Variants in EPHA6 observed in about 807,000 individuals in gnomAD.
EPHA6 encodes ephrin type-A receptor 6.
A neutral mutation model predicts 112.0 loss-of-function variants in EPHA6; 50 were observed. The ratio of observed to expected loss-of-function variants is 0.45; its 90% CI spans 0.36 to 0.56. EPHA6 has a LOEUF of 0.56. EPHA6 is among the 20% of genes least tolerant of loss of function. The pLI is 0.00. For missense variants in EPHA6, 1,280 were observed against 1,417.4 expected, an observed-to-expected ratio of 0.90 and a Z score of 1.56; for synonymous variants, 529 against 490.7, an observed-to-expected ratio of 1.08 and a Z score of -1.03.
chr3:97,673,303 A>C (rs2031034234), intron 14 of EPHA6, among the ~76,000 whole-genome samples: 1 of 152,226 alleles, frequency 6.6e-6, no homozygotes. Context: ...TAAAAAAGGA[A>C]GAAGCAGAGG....
chr3:97,696,694 A>G (rs1457276587), intron 14 of EPHA6, among the ~76,000 whole-genome samples: 2 of 152,182 alleles, frequency 1.3e-5, no homozygotes, highest in African/African-American at 4.8e-5. Context: ...AATAATTATA[A>G]TAACTAAATT....
At chr3:97,326,090 G>A (rs1339706234) in intron 5 of EPHA6, among the ~76,000 whole-genome samples, 4 of 151,828 alleles carry the variant, frequency 2.6e-5, no homozygotes, top group African/African-American at 9.7e-5. Flanking sequence ...ACTGATATGA[G>A]GTAATAGTGA....
Position 97,582,899 on chromosome 3 carries a change from C to G in EPHA6, c.2387-9713C>G, listed in dbSNP as rs539741482. Among the ~76,000 whole-genome samples the G allele has an allele frequency of 2.6e-5, 4 of 151,904 alleles. No homozygotes were observed. In the East Asian group the frequency reaches 7.7e-4, roughly 29 times the overall value. ...ATTGTATCTGTGAGTAAAACTAAAT[C>G]CAGAACATTCTCTTTTAAACTTTGT... is the stretch of plus-strand genomic sequence containing the variant. On this transcript the variant is annotated intron_variant, in intron 11 of 17. Transcript: ENST00000389672.
At chr3:97,044,126 G>A (rs80171113) in intron 3 of EPHA6, among the ~76,000 whole-genome samples, 7,796 of 152,154 alleles carry the variant, frequency 0.051, 648 homozygotes, top group African/African-American at 0.18. Context: ...TACCTGCTCA[G>A]GCTTTCTACA....
intron 3 of EPHA6, among the ~76,000 whole-genome samples, chr3:97,219,971 A>G (rs1437811008): frequency 6.6e-6 from 1 of 152,166 alleles, no homozygotes; most frequent in East Asian, 1.9e-4. Flanking sequence ...CTGCTTAGAA[A>G]TTTCTTCTGC....
At chr3:97,150,080 T>G (rs1013792482) in intron 3 of EPHA6, among the ~76,000 whole-genome samples, 1 of 151,990 alleles carries the variant, frequency 6.6e-6, no homozygotes, top group Non-Finnish European at 1.5e-5. Flanking sequence ...AGCTTTGGTG[T>G]AGATGCAATA....
intron 5 of EPHA6, among the ~76,000 whole-genome samples, chr3:97,312,991 A>G (rs543819409): frequency 3.3e-5 from 5 of 151,596 alleles, no homozygotes; most frequent in African/African-American, 1.2e-4. Context: ...TATGCTTAAT[A>G]ATAGATTACT....
At chr3:97,217,953 A>G (rs913066479) in intron 3 of EPHA6, among the ~76,000 whole-genome samples, 1 of 152,208 alleles carries the variant, frequency 6.6e-6, no homozygotes, top group East Asian at 1.9e-4. Flanking sequence ...AAAATCTAGA[A>G]TATCATATAC....
chr3:97,092,100 A>ATT (rs1559722629), intron 3 of EPHA6, among the ~76,000 whole-genome samples: 2,381 of 149,334 alleles, frequency 0.016, 59 homozygotes, highest in African/African-American at 0.057. Flanking sequence ...TTTTTTTTAA[A>ATT]AAAAAAAAGC....
chr3:97,025,277 G>A (rs1033494386), intron 3 of EPHA6, among the ~76,000 whole-genome samples: 1 of 152,010 alleles, frequency 6.6e-6, no homozygotes, highest in African/African-American at 2.4e-5. Context: ...AAACTATTAG[G>A]GAAGAGTGAG....
At chr3:96,953,635 A>G (rs2041641807) in intron 2 of EPHA6, among the ~76,000 whole-genome samples, 1 of 152,154 alleles carries the variant, frequency 6.6e-6, no homozygotes, top group African/African-American at 2.4e-5. Flanking sequence ...GACCCTTTTT[A>G]AAAGATAAAA....
chr3:97,705,241 C>T (rs557288622), intron 14 of EPHA6, among the ~76,000 whole-genome samples: 3 of 152,176 alleles, frequency 2.0e-5, no homozygotes, highest in African/African-American at 7.2e-5. Context: ...TCCTCTCTAC[C>T]TGGATTAGTC....
intron 5 of EPHA6, among the ~76,000 whole-genome samples, chr3:97,378,067 C>G (rs1198578985): frequency 2.0e-5 from 3 of 152,192 alleles, no homozygotes; most frequent in African/African-American, 4.8e-5. Flanking sequence ...AGCAGCCTCT[C>G]CCTTCACAGA....
intron 3 of EPHA6, among the ~76,000 whole-genome samples, chr3:97,041,957 C>T (rs994586161): frequency 1.3e-5 from 2 of 152,068 alleles, no homozygotes; most frequent in African/African-American, 4.8e-5. Context: ...GGTAGGGACA[C>T]AAATCCAAAC....
chr3:97,101,835 G>A (rs978692095), intron 3 of EPHA6, among the ~76,000 whole-genome samples: 2 of 151,982 alleles, frequency 1.3e-5, no homozygotes, highest in African/African-American at 4.8e-5. Flanking sequence ...TTGTTGGATT[G>A]TAGTTCTTTT....
At position 97,483,956 on chromosome 3, in the gene EPHA6, T is replaced by A. The variant is rs567719342; in HGVS notation, c.2097T>A (p.Thr699=). ...NGHLRFPGIK[T]YIDPDTYEDP... is the part of the protein sequence containing the mutation. The stretch of plus-strand genomic sequence containing the variant: ...CAGTGCGCTTCCCGGGAATTAAAAC[T>A]TACATTGATCCAGATACATATGAAG... The change falls in exon 10 of 18, where the codon ACT becomes ACA. Residue 699 remains threonine, a synonymous_variant. Transcript: ENST00000389672. 1.9e-5 allele frequency: 31 copies of A among 1,600,910 alleles called. 1 individual carries two copies. The South Asian group carries it at 1.9e-4, about 10-fold the overall frequency.
chr3:97,212,636 T>C (rs149464471), intron 3 of EPHA6, among the ~76,000 whole-genome samples: 4 of 152,338 alleles, frequency 2.6e-5, no homozygotes, highest in Non-Finnish European at 5.9e-5. Flanking sequence ...AATAATGCTG[T>C]AACCTTGACA....
At chr3:97,277,922 A>G (rs2080150510) in intron 5 of EPHA6, among the ~76,000 whole-genome samples, 1 of 152,214 alleles carries the variant, frequency 6.6e-6, no homozygotes, top group Non-Finnish European at 1.5e-5. Context: ...ATAAAAAGAA[A>G]GTAATTATGC....
intron 2 of EPHA6, among the ~76,000 whole-genome samples, chr3:96,884,411 C>G (rs2037502779): frequency 6.6e-6 from 1 of 152,086 alleles, no homozygotes; most frequent in African/African-American, 2.4e-5. Context: ...CATTTTATAG[C>G]TTTCCTTGCA....
Sources: allele counts gnomAD v4.1 joint callset (sites outside exome capture counted in the v4.1 genomes callset), GRCh38; gene constraint gnomAD v4.1.1; transcripts MANE v1.5; gene names NCBI Gene and HGNC (gene_info 2026-07-23, HGNC 2026-07-21).